Variants in GABRR3 observed in about 807,000 individuals in gnomAD.
The protein encoded by GABRR3 is gamma-aminobutyric acid type A receptor subunit rho3.
Under a neutral mutation model 43.2 loss-of-function variants are expected in GABRR3, and 29 were observed. That is an observed-to-expected ratio of 0.67 (90% CI 0.50 to 0.92). The LOEUF (loss-of-function observed/expected upper bound fraction) is 0.92, where lower values mean the gene tolerates loss of function less well. Ranked by LOEUF, GABRR3 falls within the 40% of genes least tolerant of loss-of-function variation. GABRR3 has a pLI of 0.00. For synonymous variants in GABRR3, 206 were observed against 195.9 expected (o/e 1.05, Z -0.43); for missense variants, 576 against 572.3 (o/e 1.01, Z -0.07).
At chr3:97,991,579 G>A (rs1435699975) in intron 9 of GABRR3, among the ~76,000 whole-genome samples, 2 of 152,214 alleles carry the variant, frequency 1.3e-5, no homozygotes, top group African/African-American at 2.4e-5. Context: ...CTCAAAGGAT[G>A]TAAAATCAAA....
chr3:97,986,090 T>C (rs955427103), downstream of GABRR3, among the ~76,000 whole-genome samples: 2 of 152,142 alleles, frequency 1.3e-5, no homozygotes, highest in African/African-American at 4.8e-5. Context: ...GGTCTTGAAC[T>C]CCTGACCTCA....
intron 4 of GABRR3, among the ~76,000 whole-genome samples, chr3:98,013,274 G>A (rs1706831141): frequency 1.3e-5 from 2 of 152,132 alleles, no homozygotes; most frequent in Admixed American, 6.6e-5. Flanking sequence ...AATTGTTACT[G>A]TTTATTCTTA....
rs1190047776 is a variant in GABRR3, at chr3:98,025,623, T to A, written c.182A>T (p.Tyr61Phe). The change falls in exon 3 of 10, where the codon TAT (tyrosine) becomes TTT (phenylalanine). Residue 61 changes from tyrosine (Y) to phenylalanine (F), a missense_variant. Physicochemically the swap from Tyr to Phe is conservative, Grantham distance 22. Transcript: ENST00000621172. ...GTCCTCTATATGGAGAAGTTGCTCA[T>A]ATTTCTGAGGCCGCGCTTTGGTACT... 6.2e-7 allele frequency: 1 copy of A among 1,613,450 alleles called. No homozygotes were observed. The highest frequency in any genetic ancestry group is 2.2e-5 in the East Asian group (1 of 44,850).
intron 9 of GABRR3, among the ~76,000 whole-genome samples, chr3:97,990,222 TA>T (rs1204906737): frequency 1.8e-4 from 28 of 152,236 alleles, no homozygotes; most frequent in African/African-American, 6.3e-4. Flanking sequence ...TTGATCATCA[TA>T]ACAGCCCTGT....
intron 1 of GABRR3, 31 bp downstream of exon 1, chr3:98,035,159 T>C: frequency 1.4e-6 from 1 of 706,784 alleles, no homozygotes; most frequent in Non-Finnish European, 2.2e-6. Flanking sequence ...CAGATTAAAT[T>C]GACTCACAGC....
chr3:97,988,478 G>A (rs1706414498), intron 9 of GABRR3, among the ~76,000 whole-genome samples: 1 of 152,310 alleles, frequency 6.6e-6, no homozygotes, highest in East Asian at 1.9e-4. Flanking sequence ...GTGTCTCGGG[G>A]AGAGAGGTGG....
chr3:98,002,105 T>C (rs1164299716), intron 7 of GABRR3, among the ~76,000 whole-genome samples: 3 of 152,046 alleles, frequency 2.0e-5, no homozygotes, highest in Non-Finnish European at 4.4e-5. Flanking sequence ...AATACATGAC[T>C]AATAATGGCA....
intron 9 of GABRR3, among the ~76,000 whole-genome samples, chr3:97,987,551 A>G (rs1706403865): frequency 6.6e-6 from 1 of 152,224 alleles, no homozygotes; most frequent in African/African-American, 2.4e-5. Context: ...AAATGAACAA[A>G]TAGAGAGAGG....
At chr3:98,004,718 A>G (rs1349506588) in intron 7 of GABRR3, among the ~76,000 whole-genome samples, 1 of 151,324 alleles carries the variant, frequency 6.6e-6, no homozygotes, top group African/African-American at 2.4e-5. Flanking sequence ...TGTAAAATGG[A>G]AACTAAGGTC....
At chr3:98,004,135 C>T (rs982973840) in intron 7 of GABRR3, among the ~76,000 whole-genome samples, 8 of 152,066 alleles carry the variant, frequency 5.3e-5, no homozygotes, top group African/African-American at 1.9e-4. Flanking sequence ...GTTTTTATAC[C>T]TAGAGACAGT....
chr3:98,007,671 C>T lies in GABRR3; in HGVS notation c.754+93G>A, dbSNP rs769079631. On this transcript the variant is annotated intron_variant, in intron 7 of 9. Transcript: ENST00000621172. Reference sequence around the variant, plus strand: ...GATGGTGCTGGCCAAAGGGGACACTCGCTTGGATTCCGGTCTTTTCGCATG... The same window carrying T: ...GATGGTGCTGGCCAAAGGGGACACTTGCTTGGATTCCGGTCTTTTCGCATG... 59 of 1,382,450 alleles carry T rather than the reference C, an allele frequency of 4.3e-5. No homozygotes were observed. In the Admixed American group the frequency reaches 6.8e-4, roughly 16 times the overall value. The allele number at this position is 1,382,450 out of a possible 1,614,324, so 85.6% of individuals were successfully genotyped here. A position where few individuals can be genotyped will look rare whatever the true frequency, so the allele number is the denominator to read the frequency against.
chr3:97,998,033 A>G (rs1396180097), intron 8 of GABRR3: 1 of 152,170 alleles, frequency 6.6e-6, no homozygotes, highest in Non-Finnish European at 1.5e-5. Context: ...GATGAAATAC[A>G]TAGCATAGCC....
intron 3 of GABRR3, among the ~76,000 whole-genome samples, chr3:98,023,651 A>C (rs1012744587): frequency 6.8e-6 from 1 of 146,378 alleles, no homozygotes; most frequent in African/African-American, 2.5e-5. Flanking sequence ...TAGTGAAGAA[A>C]AGTAAAAAAA....
At chr3:97,991,833 T>C (rs563325527) in intron 9 of GABRR3, among the ~76,000 whole-genome samples, 9 of 150,152 alleles carry the variant, frequency 6.0e-5, no homozygotes, top group African/African-American at 2.3e-4. Context: ...TTTGGTTGCA[T>C]ATAAATCCTC....
exon 9 of GABRR3, chr3:97,992,950 C>T (rs931295226): frequency 6.2e-7 from 1 of 1,613,540 alleles, no homozygotes; most frequent in African/African-American, 1.3e-5. Flanking sequence ...AGGGAGCTGA[C>T]CCACAGGTAC....
At chr3:98,019,129 AAAAAG>A (rs1158857407) in intron 3 of GABRR3, among the ~76,000 whole-genome samples, 2 of 152,054 alleles carry the variant, frequency 1.3e-5, no homozygotes, top group South Asian at 2.1e-4. Context: ...AAGAAAAAGA[AAAAAG>A]AAAAGAAAAG....
Position 98,007,864 on chromosome 3 carries a change from G to A in GABRR3, c.654C>T (p.His218=), listed in dbSNP as rs369702618. ...CTTCAGTATTTAAGGACTTGTTTCC[G>A]TGTTTCCAGTATAGCATTAGGTCAT... The change falls in exon 7 of 10, where the codon CAC becomes CAT. Residue 218 remains histidine, a synonymous_variant. Transcript: ENST00000621172. The A allele has an allele frequency of 5.1e-5, 81 of 1,602,308 alleles. 1 individual carries two copies. The highest frequency in any genetic ancestry group is 4.0e-4 in the East Asian group (18 of 44,640).
At chr3:98,020,870 C>CTTTTT (rs59070712) in intron 3 of GABRR3, among the ~76,000 whole-genome samples, 22 of 117,400 alleles carry the variant, frequency 1.9e-4, no homozygotes, top group Non-Finnish European at 2.1e-4. Context: ...TTTTCTTTTT[C>CTTTTT]TTTTTTTTTT....
intron 2 of GABRR3, among the ~76,000 whole-genome samples, chr3:98,028,686 T>C (rs2107251346): frequency 6.6e-6 from 1 of 152,112 alleles, no homozygotes; most frequent in South Asian, 2.1e-4. Context: ...AGGTGGTGAG[T>C]AGATCAGTTT....
Sources: gnomAD v4.1 joint callset for allele counts (sites outside exome capture counted in the v4.1 genomes callset) on GRCh38, gnomAD v4.1.1 for gene constraint, MANE v1.5 for transcripts, NCBI Gene and HGNC (gene_info 2026-07-23, HGNC 2026-07-21) for gene names.